Variants in ADRA1A observed in about 807,000 individuals in gnomAD.
ADRA1A encodes alpha-1A adrenergic receptor.
A neutral mutation model predicts 29.6 loss-of-function variants in ADRA1A; 31 were observed. That is an observed-to-expected ratio of 1.05 (90% CI 0.79 to 1.41). The LOEUF (loss-of-function observed/expected upper bound fraction) is 1.41. ADRA1A is among the 40% of genes most tolerant of loss of function. The probability of loss-of-function intolerance (pLI) is 0.00; values close to 1 mark genes in which losing one functional copy is unlikely to be tolerated. For synonymous variants in ADRA1A, 311 were observed against 254.3 expected (o/e 1.22, Z -2.12); for missense variants, 619 against 601.1 (o/e 1.03, Z -0.31).
rs1031965928 is a variant in ADRA1A at position 26,796,156 on chromosome 8, G to A, written c.884-25490C>T. Among the ~76,000 whole-genome samples the A allele has an allele frequency of 6.6e-6, 1 of 152,070 alleles. No individual in the cohort carries two copies. Among genetic ancestry groups the A allele is most frequent in the African/African-American group, 2.4e-5 (1 of 41,400 alleles). On this transcript the variant is annotated intron_variant, in intron 2 of 2. Coordinates refer to ENST00000380573, the MANE Select transcript of ADRA1A (RefSeq NM_000680.4). The surrounding 1 kb of genome is among the most constrained non-coding windows in gnomAD (Gnocchi z 5.0). ...AATTTGCTTCCAAAGAACCTGAGTG[G>A]AGTGAGAAATCTGAATAAAATAAAA...
At chr8:26,809,527 C>T (rs1354811392) in intron 2 of ADRA1A, among the ~76,000 whole-genome samples, 2 of 152,178 alleles carry the variant, frequency 1.3e-5, no homozygotes, top group East Asian at 3.8e-4. Context: ...GCCTTGGAGG[C>T]CAGAATGATA....
At chr8:26,854,056 C>G (rs1459408390) in intron 2 of ADRA1A, 1 of 151,956 alleles carries the variant, frequency 6.6e-6, no homozygotes, top group South Asian at 2.1e-4. Flanking sequence ...TTTGCTATTC[C>G]ATAGAAGGTG....
chr8:26,862,659 T>C (rs562769292), intron 2 of ADRA1A, among the ~76,000 whole-genome samples: 1 of 152,268 alleles, frequency 6.6e-6, no homozygotes, highest in South Asian at 2.1e-4. Flanking sequence ...GCAGGCACAA[T>C]GGAAGGCCAG....
downstream of ADRA1A, among the ~76,000 whole-genome samples, chr8:26,765,160 C>T (rs1044592029): frequency 2.0e-5 from 3 of 152,190 alleles, no homozygotes; most frequent in African/African-American, 4.8e-5. Context: ...CCCTCTAACC[C>T]CAAACCCCAC....
chr8:26,836,620 G>A (rs1182026674), intron 2 of ADRA1A, among the ~76,000 whole-genome samples: 6 of 152,150 alleles, frequency 3.9e-5, no homozygotes, highest in South Asian at 2.1e-4. Context: ...GACGTGTAGC[G>A]AGTTATTTAG....
At chr8:26,771,790 A>C (rs1806171245) in intron 2 of ADRA1A, 1 of 153,496 alleles carries the variant, frequency 6.5e-6, no homozygotes, top group African/African-American at 2.4e-5. Context: ...TGTCCACACC[A>C]CGGACTCCAT....
Position 26,769,126 on chromosome 8 carries a change from G to A in ADRA1A, c.*1023C>T, listed in dbSNP as rs1805954820. ...TATGCAATAGTGAAGCAGATAAGAA[G>A]TAATGGGAGACAATCTTTTGCCTTT... On this transcript the variant is annotated 3_prime_UTR_variant, in exon 3 of 3. Transcript: ENST00000380573. The A allele has an allele frequency of 8.1e-6, 8 of 985,284 alleles. No individual in the cohort carries two copies. The highest frequency in any genetic ancestry group is 9.6e-6 in the Non-Finnish European group (8 of 829,924). 61.0% of individuals were successfully genotyped at this position (985,284 alleles called of 1,614,324 possible).
At position 26,864,648 on chromosome 8, in the gene ADRA1A, G is replaced by C; in HGVS notation, c.322C>G (p.Leu108Val). 6.2e-7 allele frequency: 1 copy of C among 1,614,196 alleles called. No individual in the cohort carries two copies. Among genetic ancestry groups the C allele is most frequent in the South Asian group, 1.1e-5 (1 of 91,084 alleles). ...FCNIWAAVDV[L>V]CCTASIMGLC... ...CCCATGATGGACGCGGTGCAGCACA[G>C]CACATCCACTGCCGCCCAGATGTTG... Residue 108 changes from leucine (L) to valine (V), a missense_variant, in exon 2 of 3, where the codon CTG (leucine) becomes GTG (valine). By Grantham distance (32) the Leu-to-Val change is conservative. Transcript: ENST00000380573. This position sits in a 1 kb window ranked among gnomAD's most constrained non-coding sequence, Gnocchi z 8.1.
intron 2 of ADRA1A, among the ~76,000 whole-genome samples, chr8:26,857,184 A>G (rs1220751102): frequency 6.6e-6 from 1 of 152,008 alleles, no homozygotes; most frequent in Non-Finnish European, 1.5e-5. Context: ...GCCATGCTAT[A>G]AGAAGGTGGT....
At position 26,860,889 on chromosome 8, in the gene ADRA1A, T is replaced by C. The variant is rs1813403313; in HGVS notation, c.883+3198A>G. Among the ~76,000 whole-genome samples, 1 of 152,064 alleles carries C rather than the reference T, an allele frequency of 6.6e-6. No homozygotes were observed. Among genetic ancestry groups the C allele is most frequent in the Non-Finnish European group, 1.5e-5 (1 of 68,000 alleles). ...ATCCCCACCTCCCACCATTGAAAGC[T>C]CTCTCTATACCCCTCCAGCTACACC... On this transcript the variant is annotated intron_variant, in intron 2 of 2. Coordinates refer to ENST00000380573, the MANE Select transcript of ADRA1A (RefSeq NM_000680.4). The surrounding 1 kb of genome is among the most constrained non-coding windows in gnomAD (Gnocchi z 4.7).
chr8:26,757,137 A>C (rs1410235054), intron 2 of ADRA1A: 2 of 702,538 alleles, frequency 2.8e-6, no homozygotes, highest in South Asian at 3.0e-5. Context: ...ATAGCCATAG[A>C]CTGTGTTTAT....
intron 2 of ADRA1A, among the ~76,000 whole-genome samples, chr8:26,799,304 G>T (rs1808407498): frequency 6.6e-6 from 1 of 152,144 alleles, no homozygotes; most frequent in Non-Finnish European, 1.5e-5. Flanking sequence ...CTAAATTGTG[G>T]CACAGAGAAG....
intron 2 of ADRA1A, among the ~76,000 whole-genome samples, chr8:26,816,370 A>G (rs1435396297): frequency 6.6e-6 from 1 of 152,220 alleles, no homozygotes; most frequent in South Asian, 2.1e-4. Flanking sequence ...TCCTCTCCTG[A>G]GACCCAAGGA....
chr8:26,758,777 C>A (rs1805341741), intron 2 of ADRA1A, among the ~76,000 whole-genome samples: 1 of 152,218 alleles, frequency 6.6e-6, no homozygotes, highest in South Asian at 2.1e-4. Context: ...CACAGGAGAA[C>A]ACCAGGAGAA....
intron 2 of ADRA1A, among the ~76,000 whole-genome samples, chr8:26,818,890 A>AAGAG (rs199933241): frequency 6.6e-6 from 1 of 151,620 alleles, no homozygotes; most frequent in Non-Finnish European, 1.5e-5. Flanking sequence ...TTAAGAGGAA[A>AAGAG]AGAGAGAGAG....
chr8:26,774,252 C>T (rs991229173), intron 2 of ADRA1A, among the ~76,000 whole-genome samples: 1 of 152,176 alleles, frequency 6.6e-6, no homozygotes, highest in African/African-American at 2.4e-5. Context: ...AGTATTCTTC[C>T]CTTGTGATGG....
At chr8:26,854,255 CG>C (rs1391148038) in intron 2 of ADRA1A, 1 of 152,208 alleles carries the variant, frequency 6.6e-6, no homozygotes, top group Non-Finnish European at 1.5e-5. Flanking sequence ...TGGCTGGGCA[CG>C]GTGGTGCATG....
intron 2 of ADRA1A, among the ~76,000 whole-genome samples, chr8:26,782,396 G>C (rs1268579827): frequency 6.6e-6 from 1 of 152,202 alleles, no homozygotes; most frequent in African/African-American, 2.4e-5. Context: ...TCTAAGTATA[G>C]CTGGGCAGAC....
In ADRA1A at chr8:26,825,520, C is replaced by T. The variant is rs1344481814; in HGVS notation, c.883+38567G>A. Among the ~76,000 whole-genome samples the T allele has an allele frequency of 1.3e-5, 2 of 152,156 alleles. No individual in the cohort carries two copies. Among genetic ancestry groups the T allele is most frequent in the African/African-American group, 4.8e-5 (2 of 41,436 alleles). On this transcript the variant is annotated intron_variant, in intron 2 of 2. Transcript: ENST00000380573. This position sits in a 1 kb window ranked among gnomAD's most constrained non-coding sequence, Gnocchi z 5.7. ...TTCTCATCCCCTAAAGGCCATATTA[C>T]CCCAACTTCTAGTTGTCAGCTATCC... is the stretch of plus-strand genomic sequence containing the variant.
Sources: gnomAD v4.1 joint callset for allele counts (sites outside exome capture counted in the v4.1 genomes callset) on GRCh38, gnomAD v4.1.1 for gene constraint, Gnocchi (gnomAD v3.1) non-coding constraint, MANE v1.5 for transcripts, NCBI Gene and HGNC (gene_info 2026-07-23, HGNC 2026-07-21) for gene names.